TLE5: variants seen among roughly 807,000 people sequenced by gnomAD.
TLE5 encodes TLE family member 5.
A neutral mutation model predicts 25.8 loss-of-function variants in TLE5; 7 were observed. That is an observed-to-expected ratio of 0.27 (90% CI 0.15 to 0.51). The LOEUF (loss-of-function observed/expected upper bound fraction) is 0.51. Ranked by LOEUF, TLE5 falls within the 20% of genes least tolerant of loss-of-function variation. TLE5 has a pLI of 0.97. For missense variants in TLE5, 149 were observed against 250.7 expected, an observed-to-expected ratio of 0.59 and a Z score of 2.74; for synonymous variants, 132 against 110.5, an observed-to-expected ratio of 1.20 and a Z score of -1.22.
chr19:3,054,003 G>A lies in TLE5; in HGVS notation c.410C>T (p.Ala137Val). The A allele has an allele frequency of 1.2e-6, 2 of 1,605,442 alleles. No homozygotes were observed. Among genetic ancestry groups the A allele is most frequent in the Non-Finnish European group, 1.7e-6 (2 of 1,176,916 alleles). The change falls in exon 7 of 7, where the codon GCC becomes GTC. Residue 137 changes from alanine (A) to valine (V), a missense_variant. Physicochemically the swap from Ala to Val is moderately conservative, Grantham distance 64 (BLOSUM62 0). Coordinates refer to ENST00000327141, the MANE Select transcript of TLE5 (RefSeq NM_001130.6). ...TAGTGGGGTCAAGGGCAGGGCCAGG[G>A]CCTGCAGCTGGGACAGCTGGTGGGC... ...LQAHQLSQLQ[A>V]LALPLTPLPV...
At position 3,062,420 on chromosome 19, in the gene TLE5, C is replaced by A; in HGVS notation, c.-220G>T. The A allele has an allele frequency of 1.3e-6, 1 of 757,192 alleles. No homozygotes were observed. Among genetic ancestry groups the A allele is most frequent in the South Asian group, 5.8e-5 (1 of 17,342 alleles). 46.9% of individuals were successfully genotyped at this position (757,192 alleles called of 1,614,324 possible). A position where few individuals can be genotyped will look rare whatever the true frequency, so the allele number is the denominator to read the frequency against. On this transcript the variant is annotated 5_prime_UTR_variant, in exon 1 of 7. Transcript: ENST00000327141. ...CGCTTCCTGCGCGCCCGGCGCCCCT[C>A]CCCGCCCCTCCCCGCCGCCCGCCTC...
intron 5 of TLE5, 157 bp from the exon 6 acceptor site, chr19:3,054,351 C>CT: frequency 1.5e-6 from 1 of 649,880 alleles, no homozygotes; most frequent in Non-Finnish European, 2.7e-6. Flanking sequence ...AGCACCCTCC[C>CT]TCTCTCCAAC....
chr19:3,053,759 C>G lies in TLE5; in HGVS notation c.*60G>C. The G allele has an allele frequency of 6.5e-7, 1 of 1,536,128 alleles. No individual in the cohort carries two copies. Among genetic ancestry groups the G allele is most frequent in the Non-Finnish European group, 8.9e-7 (1 of 1,123,572 alleles). On this transcript the variant is annotated 3_prime_UTR_variant, in exon 7 of 7. Transcript: ENST00000327141. The stretch of plus-strand genomic sequence containing the variant: ...TGTGTCTTGTGCTAAACATTCCTTT[C>G]TCTCCGTGCCTCTGTCTCCCCTCTG...
chr19:3,056,510 G>A (rs1875822237), intron 3 of TLE5, 154 bp from the exon 4 acceptor site: 1 of 601,378 alleles, frequency 1.7e-6, no homozygotes. Flanking sequence ...GCAGGTGGGA[G>A]GGAAAGAGGA....
intron 1 of TLE5, among the ~76,000 whole-genome samples, chr19:3,061,585 G>T (rs1433451106): frequency 6.6e-6 from 1 of 151,824 alleles, no homozygotes; most frequent in African/African-American, 2.4e-5. Context: ...CACATCCGAG[G>T]GGGGTAGAAA....
At chr19:3,055,857 G>C (rs117344826) in intron 4 of TLE5, 131 bp from the exon 5 acceptor site, 16,537 of 1,004,314 alleles carry the variant, frequency 0.016, 185 homozygotes, top group Non-Finnish European at 0.021. Flanking sequence ...GTCTGGCCAG[G>C]GTGGGATGAG....
chr19:3,062,584 C>G, upstream of TLE5: 1 of 940,406 alleles, frequency 1.1e-6, no homozygotes, highest in Non-Finnish European at 1.3e-6. Flanking sequence ...ACGCGCGCGC[C>G]CGGGGAGGCC....
At chr19:3,058,268 G>A (rs971318037) in intron 2 of TLE5, among the ~76,000 whole-genome samples, 6 of 152,102 alleles carry the variant, frequency 3.9e-5, no homozygotes, top group African/African-American at 7.2e-5. Flanking sequence ...AGAGTCTCAC[G>A]AGCCTTCACC....
intron 3 of TLE5, chr19:3,056,766 A>C: frequency 3.7e-6 from 1 of 273,638 alleles, no homozygotes; most frequent in Non-Finnish European, 7.4e-6. Flanking sequence ...TGAGGGGTAA[A>C]CAAAGCCTGC....
intron 2 of TLE5, among the ~76,000 whole-genome samples, chr19:3,059,322 G>A (rs923663313): frequency 1.3e-5 from 2 of 152,182 alleles, no homozygotes; most frequent in Non-Finnish European, 2.9e-5. Flanking sequence ...AGGAGTTTGA[G>A]ACCAGCCTGG....
At chr19:3,062,008 G>C (rs2090274890) in intron 1 of TLE5, among the ~76,000 whole-genome samples, 166 bp downstream of exon 1, 1 of 124,050 alleles carries the variant, frequency 8.1e-6, no homozygotes. Context: ...GGGGGGTCGC[G>C]CCGGGCTGGG....
At chr19:3,056,568 AG>A in intron 3 of TLE5, 2 of 650,052 alleles carry the variant, frequency 3.1e-6, no homozygotes, top group Non-Finnish European at 5.6e-6. Context: ...GGAGAGGGGC[AG>A]GGGGCCGCTG....
chr19:3,055,593 G>T, intron 5 of TLE5, 71 bp downstream of exon 5: 1 of 1,415,056 alleles, frequency 7.1e-7, no homozygotes, highest in Non-Finnish European at 9.6e-7. Flanking sequence ...CACCCAAGAT[G>T]GCTGCAGTGG....
chr19:3,059,334 C>A (rs989197187), intron 2 of TLE5, among the ~76,000 whole-genome samples: 1 of 152,128 alleles, frequency 6.6e-6, no homozygotes, highest in Admixed American at 6.5e-5. Flanking sequence ...CCAGCCTGGC[C>A]AACATAACGA....
chr19:3,061,093 A>G (rs1168572176), intron 2 of TLE5, 67 bp downstream of exon 2: 1 of 1,223,514 alleles, frequency 8.2e-7, no homozygotes, highest in Non-Finnish European at 1.2e-6. Context: ...CAGCCTTGCC[A>G]TCTGCGCAGA....
chr19:3,062,623 C>A (rs1198076773), upstream of TLE5: 3 of 1,153,260 alleles, frequency 2.6e-6, no homozygotes, highest in Non-Finnish European at 3.2e-6. Context: ...CCCGCCTCCC[C>A]GTGGCCCGCC....
chr19:3,057,375 T>TTGGCTGTG, intron 3 of TLE5: 1 of 414,940 alleles, frequency 2.4e-6, no homozygotes, highest in Non-Finnish European at 4.5e-6. Flanking sequence ...TTCCTGGCTG[T>TTGGCTGTG]TGGCTTTCAC....
At chr19:3,061,004 T>C (rs1232344352) in intron 2 of TLE5, 156 bp downstream of exon 2, 10 of 581,382 alleles carry the variant, frequency 1.7e-5, no homozygotes, top group South Asian at 1.5e-4. Flanking sequence ...AATGGGGCTG[T>C]TTAAAATAAA....
At chr19:3,056,285 A>G in intron 4 of TLE5, 27 bp downstream of exon 4, 1 of 1,427,840 alleles carries the variant, frequency 7.0e-7, no homozygotes, top group Non-Finnish European at 9.3e-7. Flanking sequence ...GAGGAGGAGG[A>G]GGAGGAGGAG....
Sources: allele counts gnomAD v4.1 joint callset (sites outside exome capture counted in the v4.1 genomes callset), GRCh38; gene constraint gnomAD v4.1.1; transcripts MANE v1.5; gene names NCBI Gene and HGNC (gene_info 2026-07-23, HGNC 2026-07-21).